The following ADCY1 variants were observed in gnomAD, a reference collection of about 807,000 sequenced individuals.
The protein encoded by ADCY1 is adenylate cyclase 1, also known as adenylate cyclase type 1.
A neutral mutation model predicts 105.4 loss-of-function variants in ADCY1; 28 were observed. The ratio of observed to expected loss-of-function variants is 0.27; its 90% CI spans 0.20 to 0.36. The LOEUF (loss-of-function observed/expected upper bound fraction) is 0.36. ADCY1 is among the 10% of genes least tolerant of loss of function. The pLI, the probability that ADCY1 is intolerant of heterozygous loss-of-function variation, is 1.00. For missense variants in ADCY1, 977 were observed against 1,434.2 expected (o/e 0.68, Z 5.15); for synonymous variants, 655 against 623.8 (o/e 1.05, Z -0.75).
At chr7:45,666,309 TGG>T (rs1348654152) in intron 8 of ADCY1, among the ~76,000 whole-genome samples, 1 of 152,148 alleles carries the variant, frequency 6.6e-6, no homozygotes, top group African/African-American at 2.4e-5. Context: ...CAACAGGCCC[TGG>T]GGTGTGATGT....
intron 11 of ADCY1, among the ~76,000 whole-genome samples, chr7:45,681,984 TTCCCCA>T (rs1784566612): frequency 1.3e-5 from 2 of 152,294 alleles, no homozygotes; most frequent in East Asian, 1.9e-4. Flanking sequence ...CCTATCTGGT[TTCCCCA>T]TCCCCATCCC....
intron 5 of ADCY1, among the ~76,000 whole-genome samples, chr7:45,649,608 G>C (rs1176347778): frequency 6.6e-6 from 1 of 152,246 alleles, no homozygotes; most frequent in Non-Finnish European, 1.5e-5. Context: ...TAGGCTGAGA[G>C]ATGGGGCGAG....
At chr7:45,586,070 A>G (rs1428859495) in intron 1 of ADCY1, among the ~76,000 whole-genome samples, 1 of 151,966 alleles carries the variant, frequency 6.6e-6, no homozygotes, top group Non-Finnish European at 1.5e-5. Context: ...TGTCTTCCTG[A>G]CTTCCCTGCC....
intron 10 of ADCY1, among the ~76,000 whole-genome samples, chr7:45,678,734 A>G (rs1784507704): frequency 6.6e-6 from 1 of 151,028 alleles, no homozygotes; most frequent in Non-Finnish European, 1.5e-5. Flanking sequence ...AAAAAAAAAA[A>G]TTAGCCAGGC....
intron 7 of ADCY1, among the ~76,000 whole-genome samples, chr7:45,660,391 C>T (rs936307365): frequency 2.0e-5 from 3 of 152,218 alleles, no homozygotes; most frequent in African/African-American, 7.2e-5. Context: ...GGAGCCAGAA[C>T]CCCTAGTCAG....
rs141736735 is a variant in ADCY1 at position 45,578,893 on chromosome 7, A to G, written c.639+3711A>G. 8.7e-4 allele frequency among the ~76,000 whole-genome samples: 132 copies of G among 152,304 alleles called. 3 individuals are homozygous for G. In the East Asian group the frequency reaches 0.023, roughly 26 times the overall value. ...GTATTTTTACCTAATTTTTTTCTGA[A>G]GTAGTAGGGATCCATTGCAGTGTGC... On this transcript the variant is annotated intron_variant, in intron 1 of 19. Transcript: ENST00000297323.
At chr7:45,679,474 G>A (rs1784517563) in intron 10 of ADCY1, among the ~76,000 whole-genome samples, 1 of 152,166 alleles carries the variant, frequency 6.6e-6, no homozygotes, top group South Asian at 2.1e-4. Flanking sequence ...AGAAGTGGGA[G>A]GTAGACTCAG....
chr7:45,610,787 ATGGTGG>A (rs1562687085), intron 3 of ADCY1, among the ~76,000 whole-genome samples: 19 of 143,966 alleles, frequency 1.3e-4, no homozygotes, highest in South Asian at 4.7e-4. Context: ...TGTGGGGGTG[ATGGTGG>A]AGGTGGGGAG....
chr7:45,626,285 G>A (rs559096439), intron 4 of ADCY1, among the ~76,000 whole-genome samples: 57 of 152,308 alleles, frequency 3.7e-4, no homozygotes, highest in African/African-American at 1.3e-3. Context: ...GCTCTAAACC[G>A]TGACACCCAA....
chr7:45,624,835 T>G (rs1207155733), intron 4 of ADCY1, among the ~76,000 whole-genome samples: 1 of 152,138 alleles, frequency 6.6e-6, no homozygotes, highest in Non-Finnish European at 1.5e-5. Context: ...CACCTGGGCC[T>G]TTTCTCTCTC....
In ADCY1 at chr7:45,574,839, G is replaced by C. The variant is rs1792283849; in HGVS notation, c.296G>C (p.Cys99Ser). ...GLAKGSHPVH[C>S]VLFLALLVVT... ...GCCAAGGGCTCACACCCGGTGCACT[G>C]CGTCCTCTTCCTGGCGCTGCTCGTG... The change falls in exon 1 of 20, where the codon TGC becomes TCC. Residue 99 changes from cysteine to serine, a missense_variant. Cys to Ser is a moderately radical substitution (Grantham distance 112). Transcript: ENST00000297323. The surrounding 1 kb of genome is among the most constrained non-coding windows in gnomAD (Gnocchi z 7.0). 2.5e-6 allele frequency: 4 copies of C among 1,610,724 alleles called. No homozygotes were observed. The highest frequency in any genetic ancestry group is 3.4e-6 in the Non-Finnish European group (4 of 1,179,542).
At chr7:45,650,920 G>C (rs531978361) in intron 5 of ADCY1, among the ~76,000 whole-genome samples, 8 of 152,256 alleles carry the variant, frequency 5.3e-5, no homozygotes, top group African/African-American at 1.9e-4. Context: ...CCACTTTCTG[G>C]TTCACTTGCT....
chr7:45,598,629 C>T (rs1793138519), intron 2 of ADCY1, among the ~76,000 whole-genome samples: 1 of 151,996 alleles, frequency 6.6e-6, no homozygotes, highest in Admixed American at 6.5e-5. Context: ...GTGTGAGTTA[C>T]CAAAGATGAT....
chr7:45,612,202 G>A (rs374053447), intron 3 of ADCY1, among the ~76,000 whole-genome samples: 2 of 152,222 alleles, frequency 1.3e-5, no homozygotes, highest in Non-Finnish European at 2.9e-5. Context: ...GTGGAAAGTA[G>A]CTGAAGAGCC....
chr7:45,596,622 C>T (rs1395779239), intron 2 of ADCY1, among the ~76,000 whole-genome samples: 3 of 152,174 alleles, frequency 2.0e-5, no homozygotes, highest in African/African-American at 7.2e-5. Flanking sequence ...CGGTGGAATG[C>T]CGGGCACGTC....
chr7:45,583,059 C>T (rs1005967815), intron 1 of ADCY1, among the ~76,000 whole-genome samples: 9 of 152,174 alleles, frequency 5.9e-5, no homozygotes, highest in African/African-American at 1.9e-4. Flanking sequence ...TCCCAGAGCT[C>T]GGGTGTGACT....
chr7:45,696,283 C>CA (rs1174115836), intron 14 of ADCY1, among the ~76,000 whole-genome samples: 1 of 151,730 alleles, frequency 6.6e-6, no homozygotes, highest in African/African-American at 2.4e-5. Context: ...CTAAAAAATA[C>CA]AAAAAATTAG....
chr7:45,590,647 G>A (rs1019812127), intron 1 of ADCY1, among the ~76,000 whole-genome samples: 3 of 152,154 alleles, frequency 2.0e-5, no homozygotes, highest in Non-Finnish European at 4.4e-5. Flanking sequence ...CAAATGCACC[G>A]AGAGGGAAGC....
chr7:45,665,526 T>C (rs545690873), intron 8 of ADCY1, among the ~76,000 whole-genome samples: 2 of 152,370 alleles, frequency 1.3e-5, no homozygotes, highest in African/African-American at 4.8e-5. Flanking sequence ...ATTGAGCGCT[T>C]CTTTTGTTCT....
Sources: gnomAD v4.1 joint callset for allele counts (sites outside exome capture counted in the v4.1 genomes callset) on GRCh38, gnomAD v4.1.1 for gene constraint, Gnocchi (gnomAD v3.1) non-coding constraint, MANE v1.5 for transcripts, NCBI Gene and HGNC (gene_info 2026-07-23, HGNC 2026-07-21) for gene names.